The following GLCCI1 variants were observed in gnomAD, a reference collection of about 807,000 sequenced individuals.
GLCCI1 encodes glucocorticoid induced 1, also known as glucocorticoid-induced transcript 1 protein.
GLCCI1 carries 24 observed loss-of-function variants against 52.2 expected under a neutral mutation model. That is an observed-to-expected ratio of 0.46 (90% confidence interval 0.33 to 0.65). The LOEUF (loss-of-function observed/expected upper bound fraction) is 0.65. GLCCI1 is among the 30% of genes least tolerant of loss of function. GLCCI1 has a pLI of 0.02. For missense variants in GLCCI1, 704 were observed against 701.5 expected (o/e 1.00, Z -0.04); for synonymous variants, 310 against 276.5 (o/e 1.12, Z -1.20).
Position 7,972,728 on chromosome 7 carries a change from A to G in GLCCI1, c.457+2921A>G, listed in dbSNP as rs115211787. Among the ~76,000 whole-genome samples, 926 of 152,262 alleles carry G rather than the reference A, an allele frequency of 6.1e-3. 7 individuals are homozygous for G. Among genetic ancestry groups the G allele is most frequent in the African/African-American group, 0.021 (876 of 41,548 alleles). On this transcript the variant is annotated intron_variant, in intron 1 of 7. Coordinates refer to ENST00000223145, the MANE Select transcript of GLCCI1 (RefSeq NM_138426.4). ...TTTCACAAGGCTGAGGAAAAGCTGAATTCTATAAATAGGAATAGTCAATTT... is the reference window on the plus strand; with the variant it reads ...TTTCACAAGGCTGAGGAAAAGCTGAGTTCTATAAATAGGAATAGTCAATTT...
rs558232249 is a variant in GLCCI1 at position 8,030,424 on chromosome 7, C to T, written c.696+7855C>T. Among the ~76,000 whole-genome samples, 40 of 152,240 alleles carry T rather than the reference C, an allele frequency of 2.6e-4. No homozygotes were observed. In the South Asian group the frequency reaches 7.9e-3, roughly 30 times the overall value. ...AAAGACTTAAATCTGAGACCTCAAACTATGAAACTACTACAAGAAACCATT... is the reference window on the plus strand; with the variant it reads ...AAAGACTTAAATCTGAGACCTCAAATTATGAAACTACTACAAGAAACCATT... On this transcript the variant is annotated intron_variant, in intron 3 of 7. Transcript: ENST00000223145.
At chr7:8,057,823 A>G (rs1444857963) in intron 4 of GLCCI1, among the ~76,000 whole-genome samples, 1 of 152,188 alleles carries the variant, frequency 6.6e-6, no homozygotes, top group African/African-American at 2.4e-5. Flanking sequence ...CTGAACAAAG[A>G]ATGCTTACAC....
chr7:7,999,005 C>G (rs572858680), intron 1 of GLCCI1, among the ~76,000 whole-genome samples: 80 of 151,792 alleles, frequency 5.3e-4, no homozygotes, highest in Admixed American at 8.5e-4. Flanking sequence ...AAAATATTAG[C>G]AATATCATAG....
intron 2 of GLCCI1, among the ~76,000 whole-genome samples, chr7:8,019,331 C>T (rs555462155): frequency 2.6e-5 from 4 of 152,224 alleles, no homozygotes; most frequent in South Asian, 4.1e-4. Context: ...TCTAAATAGG[C>T]ACATGTGGCT....
At chr7:8,074,560 C>CT (rs1165031673) in intron 6 of GLCCI1, among the ~76,000 whole-genome samples, 3 of 152,102 alleles carry the variant, frequency 2.0e-5, no homozygotes, top group Non-Finnish European at 4.4e-5. Context: ...TGGCATGCAG[C>CT]TGCAGTCTCA....
intron 3 of GLCCI1, among the ~76,000 whole-genome samples, chr7:8,050,211 G>T (rs1163763198): frequency 6.6e-6 from 1 of 152,082 alleles, no homozygotes; most frequent in Non-Finnish European, 1.5e-5. Context: ...CCCTCCCTGT[G>T]TATATGTATT....
intron 6 of GLCCI1, among the ~76,000 whole-genome samples, chr7:8,079,217 T>A (rs1446734608): frequency 6.6e-6 from 1 of 152,198 alleles, no homozygotes; most frequent in Admixed American, 6.5e-5. Context: ...CATGCCTCTC[T>A]TATTGGGAGA....
chr7:7,996,428 A>G (rs756973249), intron 1 of GLCCI1, among the ~76,000 whole-genome samples: 1 of 152,136 alleles, frequency 6.6e-6, no homozygotes, highest in Non-Finnish European at 1.5e-5. Flanking sequence ...AAAAAAAAGT[A>G]TTCCAAATAT....
chr7:7,994,742 C>T (rs1161353832), intron 1 of GLCCI1, among the ~76,000 whole-genome samples: 1 of 152,162 alleles, frequency 6.6e-6, no homozygotes, highest in Non-Finnish European at 1.5e-5. Flanking sequence ...ATCTATTCTG[C>T]CAGCATCTTC....
At chr7:8,063,137 CTTTT>C (rs1185131811) in intron 5 of GLCCI1, among the ~76,000 whole-genome samples, 1 of 151,838 alleles carries the variant, frequency 6.6e-6, no homozygotes, top group Non-Finnish European at 1.5e-5. Context: ...GTTTTTTTGA[CTTTT>C]TTGTTTTGTT....
chr7:7,988,104 A>G (rs1424428494), intron 1 of GLCCI1, among the ~76,000 whole-genome samples: 2 of 152,158 alleles, frequency 1.3e-5, no homozygotes, highest in African/African-American at 2.4e-5. Flanking sequence ...ATATGAGAAT[A>G]TAGTCTTTCA....
intron 4 of GLCCI1, among the ~76,000 whole-genome samples, chr7:8,058,330 GAAATT>G: frequency 6.6e-6 from 1 of 152,236 alleles, no homozygotes; most frequent in Middle Eastern, 3.4e-3. Context: ...CAATTTACCT[GAAATT>G]AATGTACAAA....
chr7:7,980,603 T>C (rs1037495912), intron 1 of GLCCI1: 1 of 722,200 alleles, frequency 1.4e-6, no homozygotes, highest in Non-Finnish European at 2.4e-6. Flanking sequence ...GGCCTAGGAT[T>C]GTATGGTGAT....
chr7:7,982,859 A>T (rs1463793066), intron 1 of GLCCI1, among the ~76,000 whole-genome samples: 1 of 152,134 alleles, frequency 6.6e-6, no homozygotes, highest in African/African-American at 2.4e-5. Context: ...TTTGCTGCTG[A>T]AACTGCTGCT....
At chr7:8,021,844 A>T (rs1171162439) in intron 2 of GLCCI1, among the ~76,000 whole-genome samples, 1 of 152,232 alleles carries the variant, frequency 6.6e-6, no homozygotes. Context: ...GATAAAAATG[A>T]TTCTGTTTTC....
chr7:8,071,152 T>C (rs1172387704), intron 6 of GLCCI1, 21 bp downstream of exon 6: 1 of 1,595,500 alleles, frequency 6.3e-7, no homozygotes, highest in East Asian at 2.2e-5. Context: ...AATTGTCCAC[T>C]TAGAGGGTTT....
intron 2 of GLCCI1, among the ~76,000 whole-genome samples, chr7:8,005,289 A>G (rs1048927993): frequency 6.6e-6 from 1 of 152,150 alleles, no homozygotes; most frequent in Non-Finnish European, 1.5e-5. Context: ...ATTTAAAAAA[A>G]TGTACTTATA....
chr7:8,019,873 AC>A (rs1394848883), intron 2 of GLCCI1, among the ~76,000 whole-genome samples: 4 of 152,212 alleles, frequency 2.6e-5, no homozygotes, highest in African/African-American at 9.6e-5. Flanking sequence ...CAGGACTGGA[AC>A]CTGCTCCAAT....
Position 8,055,499 on chromosome 7 carries a change from G to C in GLCCI1, c.763G>C (p.Asp255His), listed in dbSNP as rs762692693. The C allele has an allele frequency of 6.2e-6, 10 of 1,613,932 alleles. No individual in the cohort carries two copies. The highest frequency in any genetic ancestry group is 7.6e-6 in the Non-Finnish European group (9 of 1,179,874). ...KQSSRHSKEK[D>H]RQSPLHGNHI... ...GAGTAGTCGTCACAGTAAGGAGAAAGATCGCCAGTCACCTCTTCATGGCAA... is the reference window on the plus strand; with the variant it reads ...GAGTAGTCGTCACAGTAAGGAGAAACATCGCCAGTCACCTCTTCATGGCAA... Residue 255 changes from aspartate (D) to histidine (H), a missense_variant, in exon 4 of 8, where the codon GAT becomes CAT. Physicochemically the swap from Asp to His is moderately conservative, Grantham distance 81 (BLOSUM62 -1). This residue lies in a region of GLCCI1 where 547 missense variants were observed against 524.8 expected (regional missense o/e 1.04). Coordinates refer to ENST00000223145, the MANE Select transcript of GLCCI1 (RefSeq NM_138426.4).
Sources: gnomAD v4.1 joint callset for allele counts (sites outside exome capture counted in the v4.1 genomes callset) on GRCh38, gnomAD v4.1.1 for gene constraint, gnomAD v4.1.1 regional missense constraint, MANE v1.5 for transcripts, NCBI Gene and HGNC (gene_info 2026-07-23, HGNC 2026-07-21) for gene names.